The following MSL2 variants were observed in gnomAD, a reference collection of about 807,000 sequenced individuals.
MSL2 encodes the protein E3 ubiquitin-protein ligase MSL2.
A neutral mutation model predicts 35.8 loss-of-function variants in MSL2; 2 were observed. That is an observed-to-expected ratio of 0.06 (90% confidence interval 0.02 to 0.18). The LOEUF (loss-of-function observed/expected upper bound fraction) is 0.18, where lower values mean the gene tolerates loss of function less well. MSL2 is among the 10% of genes least tolerant of loss of function. MSL2 has a pLI of 1.00. For missense variants in MSL2, 523 were observed against 706.7 expected, an observed-to-expected ratio of 0.74 and a Z score of 2.95; for synonymous variants, 296 against 255.7, an observed-to-expected ratio of 1.16 and a Z score of -1.50.
At chr3:136,159,354 C>CTT (rs71157361) in intron 1 of MSL2, among the ~76,000 whole-genome samples, 2,577 of 70,112 alleles carry the variant, frequency 0.037, 530 homozygotes, top group African/African-American at 0.066. Context: ...AGAGTACTTT[C>CTT]TTTTTTTTTT....
chr3:136,159,357 T>C (rs1023113487), intron 1 of MSL2, among the ~76,000 whole-genome samples: 1 of 117,388 alleles, frequency 8.5e-6, no homozygotes. Context: ...GTACTTTCTT[T>C]TTTTTTTTTT....
At chr3:136,165,793 AGAAT>A (rs1309722017) in intron 1 of MSL2, among the ~76,000 whole-genome samples, 7 of 152,134 alleles carry the variant, frequency 4.6e-5, no homozygotes, top group African/African-American at 7.2e-5. Context: ...AGAAATAGAA[AGAAT>A]GAATAAGACC....
At chr3:136,176,147 C>A (rs975261927) in intron 1 of MSL2, among the ~76,000 whole-genome samples, 2 of 152,160 alleles carry the variant, frequency 1.3e-5, no homozygotes, top group Non-Finnish European at 2.9e-5. Context: ...AGTTCTTGGA[C>A]AAGTAAAACT....
intron 1 of MSL2, among the ~76,000 whole-genome samples, chr3:136,159,760 T>G (rs1939648450): frequency 6.6e-6 from 1 of 151,888 alleles, no homozygotes; most frequent in African/African-American, 2.4e-5. Context: ...CCTCACAACA[T>G]ACACAAAAAT....
At chr3:136,154,818 G>A (rs949520310) in intron 1 of MSL2, among the ~76,000 whole-genome samples, 1 of 150,894 alleles carries the variant, frequency 6.6e-6, no homozygotes, top group Non-Finnish European at 1.5e-5. Context: ...AGCTCTCTGA[G>A]AGGCAGAGGT....
At chr3:136,194,442 T>TAACCGTCA (rs1300496977) in intron 1 of MSL2, 1 of 985,344 alleles carries the variant, frequency 1.0e-6, no homozygotes. Context: ...GGCTCGCTGT[T>TAACCGTCA]AACCGTCAAA....
Position 136,150,037 on chromosome 3 carries a change from C to T in MSL2, c.*1110G>A, listed in dbSNP as rs900021495. 6.6e-6 allele frequency: 1 copy of T among 152,614 alleles called. No individual in the cohort carries two copies. Among genetic ancestry groups the T allele is most frequent in the African/African-American group, 2.4e-5 (1 of 41,438 alleles). 9.5% of individuals were successfully genotyped at this position (152,614 alleles called of 1,614,324 possible). On this transcript the variant is annotated 3_prime_UTR_variant, in exon 2 of 2. Transcript: ENST00000309993. ...CCATAAAAATTAACCGGAAGAAGTG[C>T]ATTTAAACTGAAACATACTTTGTGC...
At chr3:136,184,800 G>T (rs1336618621) in intron 1 of MSL2, among the ~76,000 whole-genome samples, 1 of 147,926 alleles carries the variant, frequency 6.8e-6, no homozygotes, top group East Asian at 2.0e-4. Context: ...AACTGAGGAG[G>T]ACATACTCCT....
At chr3:136,162,172 G>A (rs530447369) in intron 1 of MSL2, among the ~76,000 whole-genome samples, 95 of 151,232 alleles carry the variant, frequency 6.3e-4, no homozygotes, top group African/African-American at 2.2e-3. Context: ...TCCTGACCTC[G>A]TGATCCACAC....
At chr3:136,158,319 T>TA (rs75588256) in intron 1 of MSL2, among the ~76,000 whole-genome samples, 1,628 of 122,978 alleles carry the variant, frequency 0.013, 21 homozygotes, top group African/African-American at 0.033. Flanking sequence ...AAATTAAAAT[T>TA]AAAAAAAAAA....
chr3:136,154,618 T>C (rs530299469), intron 1 of MSL2, among the ~76,000 whole-genome samples: 3 of 151,254 alleles, frequency 2.0e-5, no homozygotes, highest in African/African-American at 7.3e-5. Context: ...ATTAAACATA[T>C]ACCAAAATAA....
In MSL2 at chr3:136,150,561, T is replaced by C. The variant is rs1939329408; in HGVS notation, c.*586A>G. On this transcript the variant is annotated 3_prime_UTR_variant, in exon 2 of 2. Transcript: ENST00000309993. ...ACTTTTTAAAAAGATTTCTTAAACA[T>C]TCTAATGAGGGGGAATTTTTTTTCA... 6.5e-6 allele frequency: 1 copy of C among 152,822 alleles called. No homozygotes were observed. The highest frequency in any genetic ancestry group is 1.5e-5 in the Non-Finnish European group (1 of 68,092). The allele number at this position is 152,822 out of a possible 1,614,324, so 9.5% of individuals were successfully genotyped here.
intron 1 of MSL2, among the ~76,000 whole-genome samples, chr3:136,157,117 C>G (rs1939554221): frequency 6.6e-6 from 1 of 152,116 alleles, no homozygotes; most frequent in Non-Finnish European, 1.5e-5. Flanking sequence ...CCAAACTAAT[C>G]AGGTTAAAGC....
chr3:136,190,282 T>C lies in MSL2; in HGVS notation c.142+4690A>G, dbSNP rs544799782. Among the ~76,000 whole-genome samples, 13 of 152,114 alleles carry C rather than the reference T, an allele frequency of 8.5e-5. No individual in the cohort carries two copies. The South Asian group carries it at 1.9e-3, about 22-fold the overall frequency. On this transcript the variant is annotated intron_variant, in intron 1 of 1. Transcript: ENST00000309993. ...ACATCACAGGTGACCAATAAAGAAA[T>C]AGTACAGCTACCGGGGCTCACACCT...
intron 1 of MSL2, among the ~76,000 whole-genome samples, chr3:136,179,866 G>A (rs1245369486): frequency 6.6e-6 from 1 of 152,134 alleles, no homozygotes; most frequent in Non-Finnish European, 1.5e-5. Flanking sequence ...AAGAGTTTGA[G>A]ATCAGCCTGG....
At chr3:136,187,905 G>C (rs1940567192) in intron 1 of MSL2, among the ~76,000 whole-genome samples, 1 of 152,004 alleles carries the variant, frequency 6.6e-6, no homozygotes, top group Non-Finnish European at 1.5e-5. Flanking sequence ...TAAGCTTTTA[G>C]GTGATTTTGA....
intron 1 of MSL2, among the ~76,000 whole-genome samples, chr3:136,164,193 A>G (rs1336993063): frequency 1.3e-5 from 2 of 152,244 alleles, no homozygotes; most frequent in Non-Finnish European, 2.9e-5. Flanking sequence ...TTTAGGAAAT[A>G]TACCACCAAA....
At chr3:136,154,976 G>A (rs968452220) in intron 1 of MSL2, among the ~76,000 whole-genome samples, 1 of 151,828 alleles carries the variant, frequency 6.6e-6, no homozygotes, top group African/African-American at 2.4e-5. Context: ...TTGGGAGGCC[G>A]AGGTAGGCAG....
intron 1 of MSL2, among the ~76,000 whole-genome samples, chr3:136,191,887 A>G (rs1940700745): frequency 6.6e-6 from 1 of 152,278 alleles, no homozygotes; most frequent in Non-Finnish European, 1.5e-5. Context: ...ATGTGCCTAC[A>G]CAGTAAGTAA....
Sources: gnomAD v4.1 joint callset for allele counts (sites outside exome capture counted in the v4.1 genomes callset) on GRCh38, gnomAD v4.1.1 for gene constraint, MANE v1.5 for transcripts, NCBI Gene and HGNC (gene_info 2026-07-23, HGNC 2026-07-21) for gene names.